LIM2: variants seen among roughly 807,000 people sequenced by gnomAD.
The protein encoded by LIM2 is lens intrinsic membrane protein 2.
Under a neutral mutation model 19.0 loss-of-function variants are expected in LIM2, and 14 were observed. The ratio of observed to expected loss-of-function variants is 0.74; its 90% CI spans 0.49 to 1.15. The LOEUF (loss-of-function observed/expected upper bound fraction) is 1.15. LIM2 is among the 50% of genes most tolerant of loss of function. The probability of loss-of-function intolerance (pLI) is 0.00; values close to 1 mark genes in which losing one functional copy is unlikely to be tolerated. For synonymous variants in LIM2, 78 were observed against 89.6 expected, an observed-to-expected ratio of 0.87 and a Z score of 0.73; for missense variants, 230 against 243.5, an observed-to-expected ratio of 0.94 and a Z score of 0.37.
At chr19:51,381,393 T>C (rs1404066964) in intron 3 of LIM2, among the ~76,000 whole-genome samples, 2 of 152,108 alleles carry the variant, frequency 1.3e-5, no homozygotes, top group African/African-American at 4.8e-5. Context: ...CCACTTGATA[T>C]CAGGGAAGAA....
intron 2 of LIM2, among the ~76,000 whole-genome samples, chr19:51,386,328 T>C (rs1987041091): frequency 6.6e-6 from 1 of 151,028 alleles, no homozygotes; most frequent in African/African-American, 2.4e-5. Flanking sequence ...TTCACCTTTT[T>C]TGCCAGGCTA....
At chr19:51,382,385 G>C (rs1347330307) in intron 3 of LIM2, 33 bp downstream of exon 3, 2 of 1,612,710 alleles carry the variant, frequency 1.2e-6, no homozygotes, top group Non-Finnish European at 1.7e-6. Flanking sequence ...ATGAGAGCGA[G>C]GAGAGGGGTA....
chr19:51,387,420 GCCA>G lies in LIM2; in HGVS notation c.21_23del (p.Gly8del). On this transcript the variant is annotated inframe_deletion, in exon 2 of 5. Coordinates refer to ENST00000596399, the MANE Select transcript of LIM2 (RefSeq NM_001161748.2). ...TGGTCCCCACCCAGGCACAGAACAG[GCCA>G]CCACCCATGAAGCTGTACATGGTGA... 6.2e-7 allele frequency: 1 copy of G among 1,614,098 alleles called. No individual in the cohort carries two copies. Among genetic ancestry groups the G allele is most frequent in the Non-Finnish European group, 8.5e-7 (1 of 1,180,028 alleles).
At chr19:51,383,461 T>G (rs1978456) in intron 2 of LIM2, among the ~76,000 whole-genome samples, 119,186 of 152,156 alleles carry the variant, frequency 0.78, 47,568 homozygotes, top group African/African-American at 0.94. Context: ...GCACCTTGCT[T>G]TCTCATTCAC....
intron 2 of LIM2, among the ~76,000 whole-genome samples, chr19:51,385,202 T>G (rs916749520): frequency 6.6e-6 from 1 of 151,934 alleles, no homozygotes; most frequent in Non-Finnish European, 1.5e-5. Context: ...TACAGTGAGA[T>G]GCTGTCTCTA....
intron 2 of LIM2, among the ~76,000 whole-genome samples, chr19:51,384,918 A>G (rs1464216109): frequency 6.6e-6 from 1 of 152,144 alleles, no homozygotes; most frequent in Non-Finnish European, 1.5e-5. Context: ...GCTGGAGTGC[A>G]GTGGCTCTAT....
At chr19:51,386,900 T>A (rs1300688573) in intron 2 of LIM2, among the ~76,000 whole-genome samples, 1 of 152,210 alleles carries the variant, frequency 6.6e-6, no homozygotes, top group African/African-American at 2.4e-5. Context: ...AAAAATACTT[T>A]ATGCTACTTT....
chr19:51,387,025 C>T (rs1987074778), intron 2 of LIM2: 3 of 741,756 alleles, frequency 4.0e-6, no homozygotes, highest in Non-Finnish European at 7.3e-6. Context: ...TGCATGACAC[C>T]TCTGAAGCGT....
chr19:51,386,214 C>T (rs933061660), intron 2 of LIM2, among the ~76,000 whole-genome samples: 3 of 151,222 alleles, frequency 2.0e-5, no homozygotes, highest in Admixed American at 6.6e-5. Flanking sequence ...GTCTCCGCCT[C>T]CCAGGTTCAA....
In LIM2 at chr19:51,382,582, C is replaced by T. The variant is rs1383862958; in HGVS notation, c.176-15G>A. Reference sequence around the variant, plus strand: ...ATTCCAGTATGCTGTGGGAGCACCCCATGGTCATTCCCACACCTCCCCTGC... The same window carrying T: ...ATTCCAGTATGCTGTGGGAGCACCCTATGGTCATTCCCACACCTCCCCTGC... On this transcript the variant is annotated splice_polypyrimidine_tract_variant and intron_variant, in intron 2 of 4. Transcript: ENST00000596399. The T allele has an allele frequency of 3.1e-6, 5 of 1,612,840 alleles. No individual in the cohort carries two copies. In the South Asian group the frequency reaches 5.5e-5, roughly 18 times the overall value.
At chr19:51,381,234 C>T (rs1287570070) in intron 3 of LIM2, among the ~76,000 whole-genome samples, 1 of 152,078 alleles carries the variant, frequency 6.6e-6, no homozygotes, top group Non-Finnish European at 1.5e-5. Flanking sequence ...AGGAGAATCA[C>T]TTGAACCCGG....
chr19:51,386,551 T>C (rs1987051610), intron 2 of LIM2, among the ~76,000 whole-genome samples: 1 of 148,100 alleles, frequency 6.8e-6, no homozygotes, highest in Admixed American at 6.8e-5. Context: ...ATATACTATT[T>C]ATTAGATAAT....
intron 3 of LIM2, 115 bp from the exon 4 acceptor site, chr19:51,380,754 G>T (rs991457277): frequency 7.3e-6 from 9 of 1,234,010 alleles, no homozygotes; most frequent in Admixed American, 2.0e-5. Context: ...GGGTGGAAAT[G>T]GGTTGGGGGT....
chr19:51,380,715 A>T, intron 3 of LIM2, 76 bp from the exon 4 acceptor site: 130 of 891,102 alleles, frequency 1.5e-4, no homozygotes, highest in East Asian at 3.6e-4. Flanking sequence ...AGAGCTGATG[A>T]TGGGGGTGGG....
chr19:51,387,513 G>A, intron 1 of LIM2, 64 bp from the exon 2 acceptor site: 1 of 1,604,792 alleles, frequency 6.2e-7, no homozygotes. Flanking sequence ...GAGGAACTGG[G>A]GGGAGAGAGG....
At chr19:51,380,754 G>C in intron 3 of LIM2, 115 bp from the exon 4 acceptor site, 1 of 1,234,128 alleles carries the variant, frequency 8.1e-7, no homozygotes, top group African/African-American at 1.5e-5. Context: ...GGGTGGAAAT[G>C]GGTTGGGGGT....
In LIM2 at chr19:51,380,206, G is replaced by T. The variant is rs977793173; in HGVS notation, c.517C>A (p.Arg173Ser). 4.3e-6 allele frequency: 7 copies of T among 1,613,570 alleles called. No individual in the cohort carries two copies. Residue 173 changes from arginine (R) to serine (S), a missense_variant, in exon 5 of 5, where the codon CGC becomes AGC. Coordinates refer to ENST00000596399, the MANE Select transcript of LIM2 (RefSeq NM_001161748.2). ...VHECRRLSTPR is the reference protein window; with the variant it reads ...VHECRRLSTPS ...GTTGGGGGACACATTTGGGCTCAGC[G>T]GGGTGTAGACAGGCGCCGGCATTCA...
chr19:51,380,346 C>G, intron 4 of LIM2, 84 bp from the exon 5 acceptor site: 1 of 1,583,726 alleles, frequency 6.3e-7, no homozygotes, highest in Non-Finnish European at 8.7e-7. Flanking sequence ...ACCCTACTCT[C>G]TTTCTCCCTG....
At chr19:51,384,836 G>A (rs186897416) in intron 2 of LIM2, among the ~76,000 whole-genome samples, 5 of 152,170 alleles carry the variant, frequency 3.3e-5, no homozygotes, top group Non-Finnish European at 1.5e-5. Context: ...TTGAGGCCAG[G>A]AGGGTTTCTT....
Sources: allele counts gnomAD v4.1 joint callset (sites outside exome capture counted in the v4.1 genomes callset), GRCh38; gene constraint gnomAD v4.1.1; transcripts MANE v1.5; gene names NCBI Gene and HGNC (gene_info 2026-07-23, HGNC 2026-07-21).